Variants in CD9 observed in about 807,000 individuals in gnomAD.
CD9 encodes the protein CD9 antigen.
CD9 carries 10 observed loss-of-function variants against 31.4 expected under a neutral mutation model. That is an observed-to-expected ratio of 0.32 (90% CI 0.20 to 0.54). CD9 has a LOEUF of 0.54. Among genes scored for constraint, CD9 ranks in the 20% least tolerant of loss-of-function variants. The pLI, the probability that CD9 is intolerant of heterozygous loss-of-function variation, is 0.94. For missense variants in CD9, 259 were observed against 300.1 expected (o/e 0.86, Z 1.01); for synonymous variants, 113 against 114.1 (o/e 0.99, Z 0.06).
At chr12:6,212,994 G>T (rs7961144) in intron 1 of CD9, among the ~76,000 whole-genome samples, 2 of 152,266 alleles carry the variant, frequency 1.3e-5, no homozygotes, top group Non-Finnish European at 2.9e-5. Flanking sequence ...GCTGATTCCC[G>T]TGGGGAGACA....
rs1946498210 is a variant in CD9, at chr12:6,235,129, G to T, written c.349-100G>T. ...GTTGTCCAAGCACAGGCATCTGGTG[G>T]CTGAGAGCTTAGAGAGAACAAGATG... is the stretch of plus-strand genomic sequence containing the variant. On this transcript the variant is annotated intron_variant, in intron 4 of 7. Transcript: ENST00000009180. The T allele has an allele frequency of 1.0e-5, 9 of 875,652 alleles. No individual in the cohort carries two copies. In the South Asian group the frequency reaches 1.4e-4, roughly 14 times the overall value. The allele number at this position is 875,652 out of a possible 1,614,324, so 54.2% of individuals were successfully genotyped here.
At chr12:6,208,810 CG>C (rs1234644607) in intron 1 of CD9, among the ~76,000 whole-genome samples, 2 of 152,044 alleles carry the variant, frequency 1.3e-5, no homozygotes, top group African/African-American at 4.8e-5. Flanking sequence ...GTGATCCACC[CG>C]CCTCAGCCTC....
intron 1 of CD9, among the ~76,000 whole-genome samples, chr12:6,215,736 C>G (rs1946236823): frequency 6.6e-6 from 1 of 152,206 alleles, no homozygotes; most frequent in Non-Finnish European, 1.5e-5. Flanking sequence ...GCTGTGATCT[C>G]TGGGGCTTTT....
chr12:6,208,035 G>C (rs1039411753), intron 1 of CD9, among the ~76,000 whole-genome samples: 4 of 152,054 alleles, frequency 2.6e-5, no homozygotes. Context: ...GACCAGCCTG[G>C]CCAACATGGA....
Position 6,232,460 on chromosome 12 carries a change from A to G in CD9, c.176-172A>G. 3 of 640,932 alleles carry G rather than the reference A, an allele frequency of 4.7e-6. No individual in the cohort carries two copies. The highest frequency in any genetic ancestry group is 3.6e-5 in the South Asian group (2 of 56,144). 39.7% of individuals were successfully genotyped at this position (640,932 alleles called of 1,614,324 possible). On this transcript the variant is annotated intron_variant, in intron 2 of 7. Coordinates refer to ENST00000009180, the MANE Select transcript of CD9 (RefSeq NM_001769.4). This position sits in a 1 kb window ranked among gnomAD's most constrained non-coding sequence, Gnocchi z 4.8. ...GGCTGGTGGGAAGGAGACCTGGGGC[A>G]GAGGTGGAAGAGGAGGCTGTATTTT... is the stretch of plus-strand genomic sequence containing the variant.
At position 6,225,363 on chromosome 12, in the gene CD9, C is replaced by T. The variant is rs140533227; in HGVS notation, c.67-63C>T. On this transcript the variant is annotated intron_variant, in intron 1 of 7. Transcript: ENST00000009180. ...GTCCTTTGCAAGTCTCACCCTTAAGCGCGTGGGGACTGTGTTGTTGCTGGC... is the reference window on the plus strand; with the variant it reads ...GTCCTTTGCAAGTCTCACCCTTAAGTGCGTGGGGACTGTGTTGTTGCTGGC... 5.4e-4 allele frequency: 571 copies of T among 1,064,644 alleles called. 2 individuals are homozygous for T. In the East Asian group the frequency reaches 0.011, roughly 21 times the overall value. 65.9% of individuals were successfully genotyped at this position (1,064,644 alleles called of 1,614,324 possible). A position where few individuals can be genotyped will look rare whatever the true frequency, so the allele number is the denominator to read the frequency against.
In CD9 at chr12:6,219,564, C is replaced by T. The variant is rs188947886; in HGVS notation, c.67-5862C>T. On this transcript the variant is annotated intron_variant, in intron 1 of 7. Coordinates refer to ENST00000009180, the MANE Select transcript of CD9 (RefSeq NM_001769.4). ...ACAGTGGCGTGATCTCGGCTCACTG[C>T]AAGCTCCGCCTCCCGGGTTCACTCC... 2.8e-4 allele frequency among the ~76,000 whole-genome samples: 42 copies of T among 151,978 alleles called. No homozygotes were observed. In the East Asian group the frequency reaches 6.2e-3, roughly 23 times the overall value.
intron 6 of CD9, 87 bp from the exon 7 acceptor site, chr12:6,236,105 C>T (rs983419725): frequency 1.9e-6 from 3 of 1,574,050 alleles, no homozygotes; most frequent in Non-Finnish European, 1.7e-6. Context: ...CACCAGTTCT[C>T]CCGGGTGAGA....
At chr12:6,224,399 C>G (rs1029092794) in intron 1 of CD9, among the ~76,000 whole-genome samples, 4 of 152,128 alleles carry the variant, frequency 2.6e-5, no homozygotes, top group Non-Finnish European at 5.9e-5. Context: ...AGGCGGAGGT[C>G]TGGGTGGCCC....
At chr12:6,230,182 T>C (rs1946425021) in intron 2 of CD9, among the ~76,000 whole-genome samples, 1 of 152,176 alleles carries the variant, frequency 6.6e-6, no homozygotes. Flanking sequence ...CGAACACAGC[T>C]GCCAGGGGAT....
chr12:6,208,658 G>A (rs1440999931), intron 1 of CD9, among the ~76,000 whole-genome samples: 2 of 151,610 alleles, frequency 1.3e-5, no homozygotes, highest in African/African-American at 4.9e-5. Context: ...CGCAACCTCC[G>A]CCTCCTGAGT....
At chr12:6,221,622 A>G (rs537673850) in intron 1 of CD9, among the ~76,000 whole-genome samples, 6 of 152,154 alleles carry the variant, frequency 3.9e-5, no homozygotes, top group Admixed American at 1.3e-4. Context: ...CCCTCTTTTA[A>G]GGGTTAAAGC....
At chr12:6,216,601 A>G (rs1946245027) in intron 1 of CD9, among the ~76,000 whole-genome samples, 1 of 152,208 alleles carries the variant, frequency 6.6e-6, no homozygotes, top group Non-Finnish European at 1.5e-5. Context: ...AATCTGAGCC[A>G]ACAGTCTCCC....
intron 1 of CD9, among the ~76,000 whole-genome samples, chr12:6,214,527 T>C (rs1242240249): frequency 6.6e-6 from 1 of 151,822 alleles, no homozygotes; most frequent in Non-Finnish European, 1.5e-5. Context: ...TTTGTATTTT[T>C]TAGTAGAGAC....
At chr12:6,226,949 C>T (rs1472017627) in intron 2 of CD9, among the ~76,000 whole-genome samples, 1 of 152,158 alleles carries the variant, frequency 6.6e-6, no homozygotes, top group East Asian at 1.9e-4. Flanking sequence ...GCTGGGGGAG[C>T]AGGTCTGCCG....
At position 6,214,164 on chromosome 12, in the gene CD9, T is replaced by A. The variant is rs191542317; in HGVS notation, c.67-11262T>A. On this transcript the variant is annotated intron_variant, in intron 1 of 7. Coordinates refer to ENST00000009180, the MANE Select transcript of CD9 (RefSeq NM_001769.4). ...TTTTGAGTCAGTTGCTTAAAATCTC[T>A]GAGCCTGATTCATCCATAAAATGAG... Among the ~76,000 whole-genome samples the A allele has an allele frequency of 2.6e-5, 4 of 152,244 alleles. No individual in the cohort carries two copies. In the East Asian group the frequency reaches 7.7e-4, roughly 29 times the overall value.
Position 6,232,692 on chromosome 12 carries a change from G to T in CD9, c.236G>T (p.Cys79Phe). The stretch of plus-strand genomic sequence containing the variant: ...ATGCTGGTGGGCTTCCTGGGCTGCT[G>T]CGGGGCTGTGCAGGAGTCCCAGTGC... ...LMMLVGFLGC[C>F]GAVQESQCML... is the part of the protein sequence containing the mutation. The change falls in exon 3 of 8, where the codon TGC becomes TTC. Residue 79 changes from cysteine to phenylalanine, a missense_variant. Coordinates refer to ENST00000009180, the MANE Select transcript of CD9 (RefSeq NM_001769.4). The surrounding 1 kb of genome is among the most constrained non-coding windows in gnomAD (Gnocchi z 4.8). 6.3e-7 allele frequency: 1 copy of T among 1,577,164 alleles called. No homozygotes were observed.
At position 6,232,702 on chromosome 12, in the gene CD9, G is replaced by T; in HGVS notation, c.246G>T (p.Val82=). Residue 82 remains valine (V), a synonymous_variant, in exon 3 of 8, where the codon GTG becomes GTT. Coordinates refer to ENST00000009180, the MANE Select transcript of CD9 (RefSeq NM_001769.4). The surrounding 1 kb of genome is among the most constrained non-coding windows in gnomAD (Gnocchi z 4.8). ...LVGFLGCCGA[V]QESQCMLGLF... ...GCTTCCTGGGCTGCTGCGGGGCTGT[G>T]CAGGAGTCCCAGTGCATGCTGGGAC... 6.4e-7 allele frequency: 1 copy of T among 1,572,624 alleles called. No homozygotes were observed.
chr12:6,217,934 T>TA (rs1290241186), intron 1 of CD9, among the ~76,000 whole-genome samples: 1 of 152,042 alleles, frequency 6.6e-6, no homozygotes, highest in African/African-American at 2.4e-5. Flanking sequence ...TTGTCCTTTT[T>TA]AAAAAATGGG....
Sources: gnomAD v4.1 joint callset for allele counts (sites outside exome capture counted in the v4.1 genomes callset) on GRCh38, gnomAD v4.1.1 for gene constraint, Gnocchi (gnomAD v3.1) non-coding constraint, MANE v1.5 for transcripts, NCBI Gene and HGNC (gene_info 2026-07-23, HGNC 2026-07-21) for gene names.